The following PCDHA13 variants were observed in gnomAD, a reference collection of about 807,000 sequenced individuals.
PCDHA13 encodes the protein protocadherin alpha-13.
PCDHA13 carries 54 observed loss-of-function variants against 64.8 expected under a neutral mutation model. That is an observed-to-expected ratio of 0.83 (90% CI 0.67 to 1.04). PCDHA13 has a LOEUF of 1.04. PCDHA13 is among the 50% of genes least tolerant of loss of function. The pLI, the probability that PCDHA13 is intolerant of heterozygous loss-of-function variation, is 0.00. For synonymous variants in PCDHA13, 587 were observed against 564.4 expected, an observed-to-expected ratio of 1.04 and a Z score of -0.57; for missense variants, 1,248 against 1,254.3, an observed-to-expected ratio of 0.99 and a Z score of 0.08.
intron 1 of PCDHA13, chr5:140,966,810 G>A (rs1290992432): frequency 3.9e-6 from 6 of 1,548,566 alleles, no homozygotes; most frequent in African/African-American, 1.4e-5. Context: ...GAGCATCCAC[G>A]GCTCCGGCGG....
chr5:141,000,361 G>GTCTC (rs148596731), intron 3 of PCDHA13, among the ~76,000 whole-genome samples: 446 of 26,454 alleles, frequency 0.017, 11 homozygotes, highest in Non-Finnish European at 0.022. Flanking sequence ...GTCTCTCTCT[G>GTCTC]TCTCTCTCTC....
chr5:141,003,684 A>C (rs1425078507), intron 3 of PCDHA13, among the ~76,000 whole-genome samples: 1 of 152,240 alleles, frequency 6.6e-6, no homozygotes, highest in Non-Finnish European at 1.5e-5. Flanking sequence ...TTCTGATTTT[A>C]AAATATATCC....
intron 1 of PCDHA13, among the ~76,000 whole-genome samples, chr5:140,961,947 G>A (rs1183967245): frequency 6.6e-6 from 1 of 150,956 alleles, no homozygotes; most frequent in Non-Finnish European, 1.5e-5. Flanking sequence ...GCAGTGGCAT[G>A]ATCTCGGCTC....
intron 3 of PCDHA13, among the ~76,000 whole-genome samples, chr5:140,987,107 G>A (rs936936352): frequency 6.6e-6 from 1 of 151,876 alleles, no homozygotes; most frequent in Non-Finnish European, 1.5e-5. Flanking sequence ...CCAGCTACTC[G>A]GGAGGCTGAG....
chr5:140,913,036 A>G (rs2076178944), intron 1 of PCDHA13, among the ~76,000 whole-genome samples: 3 of 152,190 alleles, frequency 2.0e-5, no homozygotes, highest in African/African-American at 7.2e-5. Context: ...CATCAGATAT[A>G]TTGGCCTGGA....
intron 1 of PCDHA13, among the ~76,000 whole-genome samples, chr5:140,886,194 AAT>A (rs775586198): frequency 9.9e-5 from 15 of 152,172 alleles, no homozygotes; most frequent in Non-Finnish European, 1.9e-4. Context: ...GGCAAGCAGT[AAT>A]CTGTTCTCCA....
intron 1 of PCDHA13, among the ~76,000 whole-genome samples, chr5:140,922,956 T>G (rs2081088317): frequency 6.6e-6 from 1 of 152,236 alleles, no homozygotes; most frequent in Non-Finnish European, 1.5e-5. Context: ...CCAGTTTGTC[T>G]TCAGCCAGTG....
At chr5:140,886,664 A>G (rs1404216677) in intron 1 of PCDHA13, among the ~76,000 whole-genome samples, 1 of 151,922 alleles carries the variant, frequency 6.6e-6, no homozygotes, top group East Asian at 1.9e-4. Flanking sequence ...TGTCTCTACT[A>G]AAAATACAAA....
rs137969621 is a variant in PCDHA13, at chr5:140,884,072, G to T, written c.1804G>T (p.Gly602Cys). The T allele has an allele frequency of 9.1e-5, 147 of 1,613,476 alleles. 1 individual carries two copies. In the African/African-American group the frequency reaches 1.7e-3, roughly 19 times the overall value. Residue 602 changes from glycine to cysteine, a missense_variant, in exon 1 of 4, where the codon GGC becomes TGC. Coordinates refer to ENST00000289272, the MANE Select transcript of PCDHA13 (RefSeq NM_018904.3). ...AKVRAVDADS[G>C]YNAWLSYELQ... ...GGTGCGCGCGGTGGACGCCGATTCGGGCTACAATGCGTGGCTTTCGTATGA... is the reference window on the plus strand; with the variant it reads ...GGTGCGCGCGGTGGACGCCGATTCGTGCTACAATGCGTGGCTTTCGTATGA...
At chr5:140,966,989 G>C (rs879989091) in intron 1 of PCDHA13, 7 of 1,604,030 alleles carry the variant, frequency 4.4e-6, no homozygotes, top group Non-Finnish European at 5.1e-6. Context: ...CTTGGGGCCG[G>C]GTTGCTTGCG....
At chr5:140,958,290 T>C (rs1554223401) in intron 1 of PCDHA13, among the ~76,000 whole-genome samples, 1 of 152,154 alleles carries the variant, frequency 6.6e-6, no homozygotes, top group Non-Finnish European at 1.5e-5. Context: ...TTAAATATTA[T>C]TGAACTTAAT....
chr5:140,953,607 G>A (rs1040886184), intron 1 of PCDHA13, among the ~76,000 whole-genome samples: 21 of 152,152 alleles, frequency 1.4e-4, no homozygotes, highest in African/African-American at 4.8e-4. Flanking sequence ...ATTCCCCAGA[G>A]TCCTTAGATA....
chr5:140,938,957 C>T (rs1435245997), intron 1 of PCDHA13, among the ~76,000 whole-genome samples: 2 of 152,040 alleles, frequency 1.3e-5, no homozygotes, highest in African/African-American at 2.4e-5. Context: ...ATGCTCTAGT[C>T]GGAGTTTGGC....
intron 3 of PCDHA13, among the ~76,000 whole-genome samples, chr5:140,992,004 G>A (rs1165725360): frequency 2.0e-5 from 3 of 147,598 alleles, no homozygotes; most frequent in Non-Finnish European, 3.0e-5. Context: ...TTCATGTTCA[G>A]GCAGAGGTGG....
chr5:140,967,034 C>T (rs782810130), intron 1 of PCDHA13: 9 of 1,610,726 alleles, frequency 5.6e-6, no homozygotes, highest in Non-Finnish European at 2.5e-6. Flanking sequence ...TCCGCGCTAC[C>T]TGGAGCTGGA....
chr5:140,929,283 G>C lies in PCDHA13; in HGVS notation c.2394+44621G>C, dbSNP rs782178876. On this transcript the variant is annotated intron_variant, in intron 1 of 3. Coordinates refer to ENST00000289272, the MANE Select transcript of PCDHA13 (RefSeq NM_018904.3). ...TGAATTTGCCAATATCCTGTATTCA[G>C]ATTCGGAATAGGAAAGGGGATCACG... 52 of 1,600,904 alleles carry C rather than the reference G, an allele frequency of 3.2e-5. No homozygotes were observed. The African/African-American group carries it at 6.7e-4, about 21-fold the overall frequency.
At position 141,009,997 on chromosome 5, in the gene PCDHA13, A is replaced by C; in HGVS notation, c.*60A>C. 1 of 1,576,442 alleles carries C rather than the reference A, an allele frequency of 6.3e-7. No individual in the cohort carries two copies. The highest frequency in any genetic ancestry group is 2.2e-5 in the East Asian group (1 of 44,650). On this transcript the variant is annotated 3_prime_UTR_variant, in exon 4 of 4. Transcript: ENST00000289272. ...TTTGTAATAATGGCAAATCTCTCCC[A>C]TGTAGCAATTCCCTGCTCCTTTTTC...
intron 1 of PCDHA13, among the ~76,000 whole-genome samples, chr5:140,960,693 T>C (rs2095562408): frequency 6.6e-6 from 1 of 152,136 alleles, no homozygotes; most frequent in Non-Finnish European, 1.5e-5. Flanking sequence ...AATGAGGGTG[T>C]TCTTTAGTGC....
At chr5:140,929,160 T>G in intron 1 of PCDHA13, 1 of 1,614,130 alleles carries the variant, frequency 6.2e-7, no homozygotes, top group East Asian at 2.2e-5. Context: ...CTTATCTCTA[T>G]CGGGCCTCTC....
Sources: allele counts gnomAD v4.1 joint callset (sites outside exome capture counted in the v4.1 genomes callset), GRCh38; gene constraint gnomAD v4.1.1; transcripts MANE v1.5; gene names NCBI Gene and HGNC (gene_info 2026-07-23, HGNC 2026-07-21).